DNM3: variants seen among roughly 807,000 people sequenced by gnomAD.
DNM3 encodes the protein dynamin 3, also known as dynamin-3.
DNM3 carries 47 observed loss-of-function variants against 101.6 expected under a neutral mutation model. The observed-to-expected ratio is 0.46, with a 90% CI of 0.37 to 0.59. The LOEUF (loss-of-function observed/expected upper bound fraction) is 0.59, where lower values mean the gene tolerates loss of function less well. Among genes scored for constraint, DNM3 ranks in the 20% least tolerant of loss-of-function variants. The pLI, the probability that DNM3 is intolerant of heterozygous loss-of-function variation, is 0.00. For missense variants in DNM3, 849 were observed against 1,085.7 expected (o/e 0.78, Z 3.06); for synonymous variants, 385 against 387.9 (o/e 0.99, Z 0.09).
chr1:172,267,862 G>A (rs904089462), intron 15 of DNM3, among the ~76,000 whole-genome samples: 2 of 152,072 alleles, frequency 1.3e-5, no homozygotes, highest in South Asian at 2.1e-4. Flanking sequence ...ACAGGCACCC[G>A]CCACCAAGCC....
chr1:172,262,691 G>T (rs1357650187), intron 15 of DNM3, among the ~76,000 whole-genome samples: 1 of 152,026 alleles, frequency 6.6e-6, no homozygotes, highest in Non-Finnish European at 1.5e-5. Context: ...TCATTATTTT[G>T]GTTCTTTTCC....
chr1:172,221,410 A>C (rs980392495), intron 14 of DNM3, among the ~76,000 whole-genome samples: 2 of 152,002 alleles, frequency 1.3e-5, no homozygotes, highest in African/African-American at 4.8e-5. Flanking sequence ...CATGTCTGTA[A>C]TATATATGTT....
intron 14 of DNM3, among the ~76,000 whole-genome samples, chr1:172,192,629 T>G (rs1000652427): frequency 6.6e-6 from 1 of 151,054 alleles, no homozygotes; most frequent in African/African-American, 2.4e-5. Context: ...GTGCAGTGTT[T>G]GGTTTTTTGT....
intron 1 of DNM3, among the ~76,000 whole-genome samples, chr1:171,892,818 G>A (rs1412184133): frequency 2.6e-5 from 4 of 152,024 alleles, no homozygotes; most frequent in Non-Finnish European, 5.9e-5. Context: ...TTGACCTAAG[G>A]CGCATGCAAC....
In DNM3 at chr1:172,407,859, G is replaced by A. The variant is rs1301461445; in HGVS notation, c.*18G>A. On this transcript the variant is annotated 3_prime_UTR_variant, in exon 21 of 21. Transcript: ENST00000627582. Reference sequence around the variant, plus strand: ...TAGACTAAACGAAGTGTCTGGCATGGCAATTAATCACTAATGAATTATGCG... The same window carrying A: ...TAGACTAAACGAAGTGTCTGGCATGACAATTAATCACTAATGAATTATGCG... 6.2e-7 allele frequency: 1 copy of A among 1,612,742 alleles called. No individual in the cohort carries two copies. Among genetic ancestry groups the A allele is most frequent in the African/African-American group, 1.3e-5 (1 of 74,850 alleles).
At chr1:172,312,748 T>C (rs2065135044) in intron 16 of DNM3, among the ~76,000 whole-genome samples, 1 of 152,210 alleles carries the variant, frequency 6.6e-6, no homozygotes, top group Non-Finnish European at 1.5e-5. Flanking sequence ...AAATTCCTAC[T>C]TAATAGGAAT....
chr1:172,054,517 T>C (rs2050435158), intron 10 of DNM3, among the ~76,000 whole-genome samples: 1 of 152,178 alleles, frequency 6.6e-6, no homozygotes, highest in Admixed American at 6.5e-5. Context: ...ATTTTTTTTT[T>C]AACCACAGTT....
chr1:171,919,463 A>G (rs2039986388), intron 1 of DNM3, among the ~76,000 whole-genome samples: 2 of 151,934 alleles, frequency 1.3e-5, no homozygotes, highest in South Asian at 4.2e-4. Flanking sequence ...AGCTTTATCC[A>G]TGTCCCTGCA....
chr1:172,086,560 T>A (rs1346821527), intron 12 of DNM3, among the ~76,000 whole-genome samples: 1 of 151,982 alleles, frequency 6.6e-6, no homozygotes, highest in African/African-American at 2.4e-5. Flanking sequence ...ATGAAGGCAA[T>A]AAATTTTTAA....
intron 14 of DNM3, among the ~76,000 whole-genome samples, chr1:172,236,716 A>G (rs1362615376): frequency 6.6e-6 from 1 of 151,996 alleles, no homozygotes; most frequent in East Asian, 1.9e-4. Context: ...CAATATTTAC[A>G]TTTACATTGT....
intron 15 of DNM3, among the ~76,000 whole-genome samples, chr1:172,305,822 A>G (rs1046961995): frequency 6.6e-6 from 1 of 152,242 alleles, no homozygotes; most frequent in Non-Finnish European, 1.5e-5. Context: ...GCCTTTGACT[A>G]AATTCAACAG....
intron 14 of DNM3, among the ~76,000 whole-genome samples, chr1:172,203,392 G>A (rs978939217): frequency 6.6e-6 from 1 of 152,044 alleles, no homozygotes; most frequent in Non-Finnish European, 1.5e-5. Context: ...GACAAACCCG[G>A]GTCGCAGAGT....
chr1:171,925,086 A>T (rs1275496269), intron 2 of DNM3, among the ~76,000 whole-genome samples: 1 of 149,288 alleles, frequency 6.7e-6, no homozygotes, highest in Non-Finnish European at 1.5e-5. Flanking sequence ...TTTTTAGTAG[A>T]GACGGGGTTT....
At chr1:172,124,803 G>T (rs867345389) in intron 13 of DNM3, among the ~76,000 whole-genome samples, 1 of 152,182 alleles carries the variant, frequency 6.6e-6, no homozygotes, top group East Asian at 1.9e-4. Flanking sequence ...ATTGTGGTAT[G>T]TACAGACCTC....
intron 10 of DNM3, among the ~76,000 whole-genome samples, chr1:172,061,216 G>A (rs1387325568): frequency 2.0e-5 from 3 of 150,790 alleles, no homozygotes; most frequent in African/African-American, 7.4e-5. Flanking sequence ...TGGAGAAGAT[G>A]TGGAGAAATA....
chr1:172,165,987 A>G (rs1296776266), intron 14 of DNM3, among the ~76,000 whole-genome samples: 1 of 151,996 alleles, frequency 6.6e-6, no homozygotes, highest in Non-Finnish European at 1.5e-5. Context: ...TTCTTAAGGA[A>G]GCCTTTCTTG....
intron 14 of DNM3, among the ~76,000 whole-genome samples, chr1:172,160,816 G>A (rs1318346829): frequency 6.6e-6 from 1 of 151,928 alleles, no homozygotes; most frequent in Admixed American, 6.6e-5. Flanking sequence ...ACTTTTATAA[G>A]ACTGGCAGCA....
intron 12 of DNM3, among the ~76,000 whole-genome samples, chr1:172,086,819 G>C (rs1198036307): frequency 6.6e-6 from 1 of 152,052 alleles, no homozygotes; most frequent in Non-Finnish European, 1.5e-5. Flanking sequence ...AGAAGTTTCT[G>C]AGATGATGGA....
In DNM3 at chr1:172,045,215, A is replaced by G. The variant is rs1394269515; in HGVS notation, c.1196+763A>G. Among the ~76,000 whole-genome samples the G allele has an allele frequency of 5.9e-5, 9 of 152,274 alleles. No individual in the cohort carries two copies. The East Asian group carries it at 1.7e-3, about 29-fold the overall frequency. On this transcript the variant is annotated intron_variant, in intron 9 of 20. Transcript: ENST00000627582. Reference sequence around the variant, plus strand: ...TGTGTCTGAATTTCCCCTTGTTTAAAGTGAGATTATTCTAAATTACCTTCC... The same window carrying G: ...TGTGTCTGAATTTCCCCTTGTTTAAGGTGAGATTATTCTAAATTACCTTCC...
Sources: gnomAD v4.1 joint callset for allele counts (sites outside exome capture counted in the v4.1 genomes callset) on GRCh38, gnomAD v4.1.1 for gene constraint, MANE v1.5 for transcripts, NCBI Gene and HGNC (gene_info 2026-07-23, HGNC 2026-07-21) for gene names.